Variants in SPTBN1 observed in about 807,000 individuals in gnomAD.
The protein encoded by SPTBN1 is spectrin beta, non-erythrocytic 1, also known as spectrin beta chain, non-erythrocytic 1.
A neutral mutation model predicts 266.4 loss-of-function variants in SPTBN1; 32 were observed. That is an observed-to-expected ratio of 0.12 (90% confidence interval 0.09 to 0.16). The LOEUF (loss-of-function observed/expected upper bound fraction) is 0.16, where lower values mean the gene tolerates loss of function less well. Among genes scored for constraint, SPTBN1 ranks in the 10% least tolerant of loss-of-function variants. SPTBN1 has a pLI of 1.00. For missense variants in SPTBN1, 2,296 were observed against 3,067.1 expected, an observed-to-expected ratio of 0.75 and a Z score of 5.94; for synonymous variants, 1,336 against 1,162.2, an observed-to-expected ratio of 1.15 and a Z score of -3.04.
chr2:54,644,698 A>G (rs552315740), intron 20 of SPTBN1, 112 bp downstream of exon 20: 2 of 1,385,308 alleles, frequency 1.4e-6, no homozygotes, highest in Admixed American at 4.8e-5. Flanking sequence ...ATGGGAAGGC[A>G]TTTTTAACCC....
At chr2:54,476,129 C>CA (rs1667817166) in intron 1 of SPTBN1, among the ~76,000 whole-genome samples, 1 of 150,262 alleles carries the variant, frequency 6.7e-6, no homozygotes, top group African/African-American at 2.5e-5. Context: ...GGCTCAAACT[C>CA]ACAGATGCGT....
In SPTBN1 at chr2:54,645,453, C is replaced by A. The variant is rs760627811; in HGVS notation, c.4494C>A (p.Ile1498=). The A allele has an allele frequency of 1.2e-6, 2 of 1,613,850 alleles. No individual in the cohort carries two copies. The highest frequency in any genetic ancestry group is 2.2e-5 in the South Asian group (2 of 90,984). ...HQFNRDVEDE[I]LWVGERMPLA... is the part of the protein sequence containing the mutation. ...TCAACAGGGATGTGGAGGACGAGAT[C>A]GTGAGTCGACCCCTACTGCACACAT... is the stretch of plus-strand genomic sequence containing the variant. The change falls in exon 21 of 36, where the codon ATC becomes ATA. Residue 1498 remains isoleucine (I), a splice_region_variant and synonymous_variant. Coordinates refer to ENST00000356805, the MANE Select transcript of SPTBN1 (RefSeq NM_003128.3). The surrounding 1 kb of genome is among the most constrained non-coding windows in gnomAD (Gnocchi z 4.3).
At chr2:54,594,339 TAAC>T (rs1675902537) in intron 2 of SPTBN1, among the ~76,000 whole-genome samples, 1 of 152,130 alleles carries the variant, frequency 6.6e-6, no homozygotes, top group African/African-American at 2.4e-5. Flanking sequence ...AAAAAAAAAT[TAAC>T]AATACAATAG....
Position 54,631,296 on chromosome 2 carries a change from A to G in SPTBN1, c.3249A>G (p.Thr1083=), listed in dbSNP as rs1678714818. 6.2e-7 allele frequency: 1 copy of G among 1,614,216 alleles called. No individual in the cohort carries two copies. The highest frequency in any genetic ancestry group is 8.5e-7 in the Non-Finnish European group (1 of 1,180,012). ...AGTCCTGGCTCTCTAGGACCCAGAC[A>G]GCGATCGCCTCGGAGGACATGCCAA... is the stretch of plus-strand genomic sequence containing the variant. ...DFQSWLSRTQ[T]AIASEDMPNT... The change falls in exon 16 of 36, where the codon ACA becomes ACG. Residue 1083 remains threonine (T), a synonymous_variant. Coordinates refer to ENST00000356805, the MANE Select transcript of SPTBN1 (RefSeq NM_003128.3).
chr2:54,472,347 C>A (rs920800490), intron 1 of SPTBN1, among the ~76,000 whole-genome samples: 1 of 151,874 alleles, frequency 6.6e-6, no homozygotes, highest in Non-Finnish European at 1.5e-5. Flanking sequence ...TTTTAAAAGT[C>A]CTATATTTTA....
At chr2:54,456,981 C>T (rs943020985) in intron 1 of SPTBN1, among the ~76,000 whole-genome samples, 2 of 150,764 alleles carry the variant, frequency 1.3e-5, no homozygotes, top group Admixed American at 1.3e-4. Context: ...CTCTCTGTGG[C>T]CCCGCGGGTG....
intron 26 of SPTBN1, among the ~76,000 whole-genome samples, chr2:54,650,438 TTTAAAAG>T (rs1462355029): frequency 6.6e-6 from 1 of 152,224 alleles, no homozygotes; most frequent in Admixed American, 6.5e-5. Context: ...TAAGACTTTG[TTTAAAAG>T]ATGTTTGACA....
Position 54,631,373 on chromosome 2 carries a change from A to G in SPTBN1, c.3326A>G (p.Asn1109Ser). ...KLLTQHENIKNEIDNYEEDYQ... is the reference protein window; with the variant it reads ...KLLTQHENIKSEIDNYEEDYQ... ...CTCACGCAGCACGAGAACATCAAGA[A>G]CGAGATCGACAACTACGAGGAGGAC... Residue 1109 changes from asparagine (N) to serine (S), a missense_variant, in exon 16 of 36, where the codon AAC becomes AGC. Around this residue, in one of 12 missense-constraint regions of SPTBN1, gnomAD observed 386 missense variants for 486.1 expected, o/e 0.79. Transcript: ENST00000356805. The G allele has an allele frequency of 6.2e-7, 1 of 1,614,198 alleles. No individual in the cohort carries two copies. The highest frequency in any genetic ancestry group is 8.5e-7 in the Non-Finnish European group (1 of 1,180,024).
chr2:54,568,984 T>C (rs1673863944), intron 2 of SPTBN1, among the ~76,000 whole-genome samples: 1 of 152,244 alleles, frequency 6.6e-6, no homozygotes, highest in African/African-American at 2.4e-5. Context: ...CAAACTTACC[T>C]AGTGGTGCCT....
chr2:54,618,305 G>A (rs951606070), intron 7 of SPTBN1, 112 bp downstream of exon 7: 3 of 948,580 alleles, frequency 3.2e-6, no homozygotes, highest in East Asian at 2.6e-5. Flanking sequence ...CAAAGGAAGA[G>A]CTTAATTTTG....
chr2:54,670,811 A>G lies in SPTBN1; in HGVS notation c.*2242A>G, dbSNP rs189021839. 57 of 398,580 alleles carry G rather than the reference A, an allele frequency of 1.4e-4. No homozygotes were observed. The highest frequency in any genetic ancestry group is 1.1e-3 in the African/African-American group (55 of 48,734). The allele number at this position is 398,580 out of a possible 1,614,324, so 24.7% of individuals were successfully genotyped here. On this transcript the variant is annotated 3_prime_UTR_variant, in exon 36 of 36. Transcript: ENST00000356805. ...CTCTCTCTTGGTGCATTTGATAAGG[A>G]TCCACTGAGGCCTGAATGTGGAAGA...
At chr2:54,561,948 C>G (rs1673338428) in intron 2 of SPTBN1, among the ~76,000 whole-genome samples, 1 of 151,440 alleles carries the variant, frequency 6.6e-6, no homozygotes, top group African/African-American at 2.4e-5. Context: ...CATAAGAAGA[C>G]AAGCCCTTCA....
At chr2:54,488,850 A>G (rs1668543383) in intron 1 of SPTBN1, among the ~76,000 whole-genome samples, 2 of 152,184 alleles carry the variant, frequency 1.3e-5, no homozygotes, top group Non-Finnish European at 2.9e-5. Flanking sequence ...TTGTAAAGAG[A>G]CTAATCTGAA....
At chr2:54,493,119 C>T (rs772403654) in intron 1 of SPTBN1, among the ~76,000 whole-genome samples, 1 of 151,276 alleles carries the variant, frequency 6.6e-6, no homozygotes, top group Admixed American at 6.6e-5. Context: ...GATTCTCCCA[C>T]CTCAGCCTGC....
At chr2:54,514,570 T>G (rs1463512098) in intron 1 of SPTBN1, among the ~76,000 whole-genome samples, 1 of 152,220 alleles carries the variant, frequency 6.6e-6, no homozygotes, top group Non-Finnish European at 1.5e-5. Context: ...TGGCTAAATC[T>G]TCACTGCTCC....
At chr2:54,515,850 G>GCCC (rs1378605297) in intron 1 of SPTBN1, 5 of 151,786 alleles carry the variant, frequency 3.3e-5, no homozygotes, top group African/African-American at 1.2e-4. Context: ...CCTCCTAATT[G>GCCC]CCCACCCATG....
In SPTBN1 at chr2:54,645,282, C is replaced by G; in HGVS notation, c.4323C>G (p.Ser1441Arg). The G allele has an allele frequency of 6.2e-7, 1 of 1,614,168 alleles. No individual in the cohort carries two copies. Among genetic ancestry groups the G allele is most frequent in the East Asian group, 2.2e-5 (1 of 44,878 alleles). Residue 1441 changes from serine to arginine, a missense_variant, in exon 21 of 36, where the codon AGC becomes AGG. Physicochemically the swap from Ser to Arg is moderately radical, Grantham distance 110. Around this residue, in one of 12 missense-constraint regions of SPTBN1, gnomAD observed 386 missense variants for 486.1 expected, o/e 0.79. Transcript: ENST00000356805. This position sits in a 1 kb window ranked among gnomAD's most constrained non-coding sequence, Gnocchi z 4.3. ...VRKKEIEELQ[S>R]QAQALSQEGK... Reference sequence around the variant, plus strand: ...AGAAGGAGATCGAAGAGCTCCAAAGCCAAGCCCAGGCCCTGAGTCAGGAAG... The same window carrying G: ...AGAAGGAGATCGAAGAGCTCCAAAGGCAAGCCCAGGCCCTGAGTCAGGAAG...
In SPTBN1 at chr2:54,457,652, C is replaced by A. The variant is rs1317825050; in HGVS notation, c.-48+1134C>A. Reference sequence around the variant, plus strand: ...GCAGTATCGCAGCTTCCTTGGTTCTCGCTGGCGGGGCTTGGCACGGCCGCT... The same window carrying A: ...GCAGTATCGCAGCTTCCTTGGTTCTAGCTGGCGGGGCTTGGCACGGCCGCT... On this transcript the variant is annotated intron_variant, in intron 1 of 35. Transcript: ENST00000356805. Among the ~76,000 whole-genome samples the A allele has an allele frequency of 2.0e-5, 3 of 152,322 alleles. 1 individual carries two copies.
chr2:54,597,497 CCCT>C (rs1676168577), intron 2 of SPTBN1, among the ~76,000 whole-genome samples: 1 of 152,206 alleles, frequency 6.6e-6, no homozygotes, highest in Non-Finnish European at 1.5e-5. Flanking sequence ...TGGGGAAGGG[CCCT>C]CCTTCTGTCT....
Sources: gnomAD v4.1 joint callset for allele counts (sites outside exome capture counted in the v4.1 genomes callset) on GRCh38, gnomAD v4.1.1 for gene constraint, gnomAD v4.1.1 regional missense constraint, Gnocchi (gnomAD v3.1) non-coding constraint, MANE v1.5 for transcripts, NCBI Gene and HGNC (gene_info 2026-07-23, HGNC 2026-07-21) for gene names.